The following STYXL2 variants were observed in gnomAD, a reference collection of about 807,000 sequenced individuals.
STYXL2 encodes serine/threonine/tyrosine-interacting-like protein 2.
A neutral mutation model predicts 52.4 loss-of-function variants in STYXL2; 44 were observed. The observed-to-expected ratio is 0.84, with a 90% CI of 0.66 to 1.08. STYXL2 has a LOEUF of 1.08. Among genes scored for constraint, STYXL2 ranks in the 50% least tolerant of loss-of-function variants. The probability of loss-of-function intolerance (pLI) is 0.00; values close to 1 mark genes in which losing one functional copy is unlikely to be tolerated. For missense variants in STYXL2, 1,604 were observed against 1,471.7 expected, an observed-to-expected ratio of 1.09 and a Z score of -1.47; for synonymous variants, 604 against 586.9, an observed-to-expected ratio of 1.03 and a Z score of -0.42.
At chr1:167,122,468 A>T (rs1305536219) in intron 5 of STYXL2, among the ~76,000 whole-genome samples, 1 of 152,192 alleles carries the variant, frequency 6.6e-6, no homozygotes, top group East Asian at 1.9e-4. Flanking sequence ...TTCCATCAGC[A>T]GTGGCAAGTG....
rs1407619203 is a variant in STYXL2 at position 167,129,150 on chromosome 1, A to T, written c.*542A>T. The T allele has an allele frequency of 6.6e-6, 1 of 152,424 alleles. No homozygotes were observed. Among genetic ancestry groups the T allele is most frequent in the Non-Finnish European group, 1.5e-5 (1 of 68,464 alleles). 9.4% of individuals were successfully genotyped at this position (152,424 alleles called of 1,614,324 possible). A position where few individuals can be genotyped will look rare whatever the true frequency, so the allele number is the denominator to read the frequency against. On this transcript the variant is annotated 3_prime_UTR_variant, in exon 6 of 6. Coordinates refer to ENST00000361200, the MANE Select transcript of STYXL2 (RefSeq NM_001080426.3). ...CAAATAGTTCTTCTTTATTCTGGTC[A>T]TGTTTAACTTTTTGGATATTAGAAG...
intron 2 of STYXL2, among the ~76,000 whole-genome samples, chr1:167,110,087 G>C (rs1667586103): frequency 6.6e-6 from 1 of 152,146 alleles, no homozygotes; most frequent in Non-Finnish European, 1.5e-5. Context: ...TGAAGCCCTG[G>C]TGGCTCCACT....
chr1:167,129,032 T>C lies in STYXL2; in HGVS notation c.*424T>C, dbSNP rs1406216850. On this transcript the variant is annotated 3_prime_UTR_variant, in exon 6 of 6. Coordinates refer to ENST00000361200, the MANE Select transcript of STYXL2 (RefSeq NM_001080426.3). ...GGCTTCATATGAGACCCAGAAAGTCTATCCTATGGCAAGTCTGACCTCTCC... is the reference window on the plus strand; with the variant it reads ...GGCTTCATATGAGACCCAGAAAGTCCATCCTATGGCAAGTCTGACCTCTCC... 1.9e-5 allele frequency: 3 copies of C among 158,498 alleles called. No individual in the cohort carries two copies. The highest frequency in any genetic ancestry group is 7.2e-5 in the African/African-American group (3 of 41,434). 9.8% of individuals were successfully genotyped at this position (158,498 alleles called of 1,614,324 possible). A position where few individuals can be genotyped will look rare whatever the true frequency, so the allele number is the denominator to read the frequency against.
At position 167,127,824 on chromosome 1, in the gene STYXL2, A is replaced by G. The variant is rs369348309; in HGVS notation, c.2693A>G (p.Tyr898Cys). The G allele has an allele frequency of 5.6e-5, 90 of 1,613,822 alleles. 1 individual carries two copies. In the East Asian group the frequency reaches 8.7e-4, roughly 16 times the overall value. Residue 898 changes from tyrosine to cysteine, a missense_variant, in exon 6 of 6, where the codon TAT becomes TGT. Coordinates refer to ENST00000361200, the MANE Select transcript of STYXL2 (RefSeq NM_001080426.3). ...DTDSAIGSFRYSSRSNSQKPE... is the reference protein window; with the variant it reads ...DTDSAIGSFRCSSRSNSQKPE... ...GACAGTGCCATAGGGAGCTTCCGATATTCTTCCCGCAGTAATTCCCAGAAA... is the reference window on the plus strand; with the variant it reads ...GACAGTGCCATAGGGAGCTTCCGATGTTCTTCCCGCAGTAATTCCCAGAAA...
chr1:167,106,080 C>A lies in STYXL2; in HGVS notation c.111-7630C>A, dbSNP rs183800635. Among the ~76,000 whole-genome samples, 827 of 152,316 alleles carry A rather than the reference C, an allele frequency of 5.4e-3. 11 individuals are homozygous for A. Among genetic ancestry groups the A allele is most frequent in the African/African-American group, 0.019 (792 of 41,564 alleles). The stretch of plus-strand genomic sequence containing the variant: ...TCTTTTCAAATTCTCCCCTATCAAA[C>A]CCACAGCCTCAGAGTGTAGGTATAT... On this transcript the variant is annotated intron_variant, in intron 2 of 5. Coordinates refer to ENST00000361200, the MANE Select transcript of STYXL2 (RefSeq NM_001080426.3).
chr1:167,096,225 T>C (rs1249267816), intron 2 of STYXL2, among the ~76,000 whole-genome samples: 3 of 152,016 alleles, frequency 2.0e-5, no homozygotes, highest in African/African-American at 7.3e-5. Flanking sequence ...GCCACTGAAC[T>C]TCAGCCTGGG....
chr1:167,100,596 CT>C (rs1406118141), intron 2 of STYXL2, among the ~76,000 whole-genome samples: 1 of 152,176 alleles, frequency 6.6e-6, no homozygotes, highest in Non-Finnish European at 1.5e-5. Context: ...AGTCCTTAGC[CT>C]TTTCAGCAGC....
chr1:167,127,371 G>T lies in STYXL2; in HGVS notation c.2240G>T (p.Arg747Leu). Residue 747 changes from arginine (R) to leucine (L), a missense_variant, in exon 6 of 6, where the codon CGC (arginine) becomes CTC (leucine). By Grantham distance (102) the Arg-to-Leu change is moderately radical (BLOSUM62 -2). Transcript: ENST00000361200. Reference sequence around the variant, plus strand: ...CAAAATGAAATGCTGCTGTTGTCCCGCTCACCGTCTGTTGCAAGCATGAAG... The same window carrying T: ...CAAAATGAAATGCTGCTGTTGTCCCTCTCACCGTCTGTTGCAAGCATGAAG... ...QKQNEMLLLS[R>L]SPSVASMKAV... The T allele has an allele frequency of 6.2e-7, 1 of 1,614,136 alleles. No homozygotes were observed. The highest frequency in any genetic ancestry group is 8.5e-7 in the Non-Finnish European group (1 of 1,180,036).
chr1:167,094,772 C>A, intron 1 of STYXL2, 62 bp from the exon 2 acceptor site: 2 of 1,173,022 alleles, frequency 1.7e-6, no homozygotes, highest in Non-Finnish European at 1.2e-6. Flanking sequence ...AACACAACTT[C>A]TCCCCCAACA....
In STYXL2 at chr1:167,127,322, G is replaced by C; in HGVS notation, c.2191G>C (p.Val731Leu). ...TATCCAGAACTGGATTGCCAATGTA[G>C]TCAGTGAGACCCTTGCTCAGAAGCA... ...ASIQNWIANV[V>L]SETLAQKQNE... Residue 731 changes from valine to leucine, a missense_variant, in exon 6 of 6, where the codon GTC (valine) becomes CTC (leucine). Coordinates refer to ENST00000361200, the MANE Select transcript of STYXL2 (RefSeq NM_001080426.3). 6.2e-7 allele frequency: 1 copy of C among 1,614,238 alleles called. No homozygotes were observed. Among genetic ancestry groups the C allele is most frequent in the Non-Finnish European group, 8.5e-7 (1 of 1,180,042 alleles).
At chr1:167,107,460 C>G (rs1252438068) in intron 2 of STYXL2, among the ~76,000 whole-genome samples, 1 of 152,184 alleles carries the variant, frequency 6.6e-6, no homozygotes, top group Admixed American at 6.5e-5. Context: ...TTGTATACCT[C>G]TTGGCCTCTG....
chr1:167,097,815 A>G (rs547488204), intron 2 of STYXL2, among the ~76,000 whole-genome samples: 44 of 152,192 alleles, frequency 2.9e-4, no homozygotes, highest in African/African-American at 9.9e-4. Flanking sequence ...AAAGATGGTC[A>G]AACTCAATTT....
intron 2 of STYXL2, among the ~76,000 whole-genome samples, chr1:167,108,418 A>G (rs1667549585): frequency 6.6e-6 from 1 of 152,176 alleles, no homozygotes; most frequent in African/African-American, 2.4e-5. Flanking sequence ...ATAATATCCC[A>G]TGAACTTTAC....
chr1:167,126,123 A>C lies in STYXL2; in HGVS notation c.992A>C (p.Lys331Thr). 1 of 1,509,094 alleles carries C rather than the reference A, an allele frequency of 6.6e-7. No homozygotes were observed. Among genetic ancestry groups the C allele is most frequent in the Non-Finnish European group, 8.8e-7 (1 of 1,131,892 alleles). 93.5% of individuals were successfully genotyped at this position (1,509,094 alleles called of 1,614,324 possible). The part of the protein sequence containing the change: ...ASHLSGSSLG[K>T]ATQASKPLTL... Reference sequence around the variant, plus strand: ...CACCTGAGTGGCTCCTCCCTGGGGAAGGCCACCCAGGCCTCCAAGCCCCTC... The same window carrying C: ...CACCTGAGTGGCTCCTCCCTGGGGACGGCCACCCAGGCCTCCAAGCCCCTC... Residue 331 changes from lysine (K) to threonine (T), a missense_variant, in exon 6 of 6, where the codon AAG becomes ACG. Physicochemically the swap from Lys to Thr is moderately conservative, Grantham distance 78 (BLOSUM62 -1). Transcript: ENST00000361200.
rs368392754 is a variant in STYXL2 at position 167,119,245 on chromosome 1, G to A, written c.438-4G>A. ...TGCAAACAGGTCCCTGCCTCTTCCC[G>A]CAGGAGTGTGGCTGTGAACAAGGGG... is the stretch of plus-strand genomic sequence containing the variant. On this transcript the variant is annotated splice_polypyrimidine_tract_variant and splice_region_variant and intron_variant, in intron 4 of 5. Coordinates refer to ENST00000361200, the MANE Select transcript of STYXL2 (RefSeq NM_001080426.3). 1.6e-4 allele frequency: 261 copies of A among 1,613,770 alleles called. No individual in the cohort carries two copies. The highest frequency in any genetic ancestry group is 2.1e-4 in the Non-Finnish European group (250 of 1,179,898).
rs377221946 is a variant in STYXL2, at chr1:167,119,235, G to A, written c.438-14G>A. On this transcript the variant is annotated splice_polypyrimidine_tract_variant and intron_variant, in intron 4 of 5. Transcript: ENST00000361200. ...TTCCGACTCTTGCAAACAGGTCCCT[G>A]CCTCTTCCCGCAGGAGTGTGGCTGT... 8 of 1,613,314 alleles carry A rather than the reference G, an allele frequency of 5.0e-6. No homozygotes were observed. In the African/African-American group the frequency reaches 8.0e-5, roughly 16 times the overall value.
At chr1:167,113,064 A>G (rs1667650552) in intron 2 of STYXL2, among the ~76,000 whole-genome samples, 1 of 152,090 alleles carries the variant, frequency 6.6e-6, no homozygotes, top group African/African-American at 2.4e-5. Context: ...GCACCGAATT[A>G]TTTTTGGGAA....
chr1:167,110,421 C>G (rs753398650), intron 2 of STYXL2, among the ~76,000 whole-genome samples: 14 of 152,104 alleles, frequency 9.2e-5, no homozygotes, highest in Non-Finnish European at 1.9e-4. Context: ...AATTATTAAG[C>G]AACTCAAGGA....
intron 3 of STYXL2, among the ~76,000 whole-genome samples, 187 bp from the exon 4 acceptor site, chr1:167,117,141 A>G (rs1055790243): frequency 6.6e-6 from 1 of 152,182 alleles, no homozygotes; most frequent in South Asian, 2.1e-4. Flanking sequence ...GACCCTGATT[A>G]CAAGTGTTTG....
Sources: gnomAD v4.1 joint callset for allele counts (sites outside exome capture counted in the v4.1 genomes callset) on GRCh38, gnomAD v4.1.1 for gene constraint, MANE v1.5 for transcripts, NCBI Gene and HGNC (gene_info 2026-07-23, HGNC 2026-07-21) for gene names.